The following AKAP6 variants were observed in gnomAD, a reference collection of about 807,000 sequenced individuals.
AKAP6 encodes the protein A-kinase anchoring protein 6.
A neutral mutation model predicts 188.5 loss-of-function variants in AKAP6; 58 were observed. The observed-to-expected ratio is 0.31, with a 90% confidence interval of 0.25 to 0.38. The LOEUF is 0.38. Ranked by LOEUF, AKAP6 falls within the 10% of genes least tolerant of loss-of-function variation. The pLI, the probability that AKAP6 is intolerant of heterozygous loss-of-function variation, is 1.00. For missense variants in AKAP6, 2,710 were observed against 2,740.0 expected (o/e 0.99, Z 0.24); for synonymous variants, 989 against 998.6 (o/e 0.99, Z 0.18).
At chr14:32,801,538 G>T (rs184067375) in intron 12 of AKAP6, among the ~76,000 whole-genome samples, 6 of 152,134 alleles carry the variant, frequency 3.9e-5, no homozygotes, top group African/African-American at 9.6e-5. Context: ...TTTTCTTTTA[G>T]ATCAATTAAA....
intron 7 of AKAP6, among the ~76,000 whole-genome samples, chr14:32,629,403 C>T (rs1205598528): frequency 1.8e-5 from 2 of 113,882 alleles, no homozygotes; most frequent in African/African-American, 7.1e-5. Context: ...TGCTGAAGTG[C>T]GAGTTTCTCA....
intron 2 of AKAP6, among the ~76,000 whole-genome samples, chr14:32,526,404 T>C (rs577160683): frequency 3.5e-4 from 54 of 152,248 alleles, no homozygotes; most frequent in Non-Finnish European, 6.6e-4. Flanking sequence ...CACTAATTTT[T>C]GTATTTTTAG....
intron 2 of AKAP6, among the ~76,000 whole-genome samples, chr14:32,481,464 A>C (rs111267787): frequency 0.024 from 3,727 of 152,316 alleles, 160 homozygotes; most frequent in African/African-American, 0.085. Flanking sequence ...TCACGGTTCT[A>C]CATGGCTGGG....
chr14:32,711,084 G>A (rs1418236937), intron 9 of AKAP6, among the ~76,000 whole-genome samples: 4 of 151,966 alleles, frequency 2.6e-5, no homozygotes, highest in African/African-American at 9.7e-5. Flanking sequence ...AACGCTTTAG[G>A]AATATCCATT....
intron 2 of AKAP6, among the ~76,000 whole-genome samples, chr14:32,443,662 T>C (rs1394753382): frequency 2.0e-5 from 3 of 151,928 alleles, no homozygotes; most frequent in South Asian, 2.1e-4. Context: ...TTAAATACAC[T>C]TTTTTTTCCC....
chr14:32,510,492 A>ATATATATATACATATATATATATGTG (rs1566547071), intron 2 of AKAP6, among the ~76,000 whole-genome samples: 2 of 113,414 alleles, frequency 1.8e-5, no homozygotes, highest in Middle Eastern at 4.4e-3. Flanking sequence ...ATATATGTGT[A>ATATATATATACATATATATATATGTG]TATATATATA....
At chr14:32,473,367 A>T (rs1467667702) in intron 2 of AKAP6, among the ~76,000 whole-genome samples, 7 of 152,230 alleles carry the variant, frequency 4.6e-5, no homozygotes, top group Non-Finnish European at 8.8e-5. Context: ...GAAAACTAGA[A>T]AATGAGAAGT....
chr14:32,664,099 G>A (rs1888817966), intron 7 of AKAP6, among the ~76,000 whole-genome samples: 1 of 152,060 alleles, frequency 6.6e-6, no homozygotes, highest in African/African-American at 2.4e-5. Context: ...TGCTTAACCT[G>A]TCTCTTACTT....
chr14:32,738,950 T>C (rs2031556225), intron 11 of AKAP6, among the ~76,000 whole-genome samples: 1 of 152,164 alleles, frequency 6.6e-6, no homozygotes, highest in African/African-American at 2.4e-5. Flanking sequence ...TGGGCTTGAT[T>C]TGACCTAGAG....
In AKAP6 at chr14:32,572,699, G is replaced by A. The variant is rs148865193; in HGVS notation, c.2347-4421G>A. 1.8e-4 allele frequency among the ~76,000 whole-genome samples: 28 copies of A among 152,346 alleles called. No individual in the cohort carries two copies. The East Asian group carries it at 4.4e-3, about 24-fold the overall frequency. On this transcript the variant is annotated intron_variant, in intron 4 of 13. Coordinates refer to ENST00000280979, the MANE Select transcript of AKAP6 (RefSeq NM_004274.5). The stretch of plus-strand genomic sequence containing the variant: ...TTCAAGTGTATTTTAGCCAGCCAAA[G>A]CCTCTAGCAAATTATTTTTCACAAA...
At chr14:32,513,071 A>G (rs1219062632) in intron 2 of AKAP6, among the ~76,000 whole-genome samples, 2 of 152,170 alleles carry the variant, frequency 1.3e-5, no homozygotes, top group Admixed American at 1.3e-4. Context: ...TTGAAAGTGG[A>G]AGATTCTGTA....
chr14:32,815,641 G>A (rs1012049322), intron 12 of AKAP6, among the ~76,000 whole-genome samples: 9 of 152,054 alleles, frequency 5.9e-5, no homozygotes, highest in Non-Finnish European at 8.8e-5. Flanking sequence ...CTCTTTGGTC[G>A]TACCAAAGAG....
intron 12 of AKAP6, among the ~76,000 whole-genome samples, chr14:32,784,482 T>C (rs1476114393): frequency 6.6e-6 from 1 of 152,190 alleles, no homozygotes; most frequent in African/African-American, 2.4e-5. Flanking sequence ...TGTTATACAT[T>C]GTGAGGAGAC....
At chr14:32,473,327 T>C (rs1313381259) in intron 2 of AKAP6, among the ~76,000 whole-genome samples, 1 of 152,172 alleles carries the variant, frequency 6.6e-6, no homozygotes, top group South Asian at 2.1e-4. Context: ...CAGCCTCACA[T>C]ACAACAGGTA....
Position 32,824,496 on chromosome 14 carries a change from T to C in AKAP6, c.6683T>C (p.Val2228Ala). ...GAAAGAGCTGAGGTTGGAAAGGAAG[T>C]GAATGGTTTGCCCCAAACTTCCAGT... ...SQERAEVGKE[V>A]NGLPQTSSGC... Residue 2228 changes from valine to alanine, a missense_variant, in exon 13 of 14, where the codon GTG becomes GCG. Val to Ala is a moderately conservative substitution (Grantham distance 64). This residue lies in a region of AKAP6 where 2,473 missense variants were observed against 2,426.1 expected (regional missense o/e 1.02). Coordinates refer to ENST00000280979, the MANE Select transcript of AKAP6 (RefSeq NM_004274.5). 1 of 1,613,944 alleles carries C rather than the reference T, an allele frequency of 6.2e-7. No individual in the cohort carries two copies.
chr14:32,660,807 A>T lies in AKAP6; in HGVS notation c.2731-17504A>T, dbSNP rs950390639. Among the ~76,000 whole-genome samples the T allele has an allele frequency of 4.6e-5, 7 of 152,122 alleles. No homozygotes were observed. The South Asian group carries it at 8.3e-4, about 18-fold the overall frequency. On this transcript the variant is annotated intron_variant, in intron 7 of 13. Transcript: ENST00000280979. ...TGGGGTGAGGGAAGTGGAGTATTTA[A>T]CAACTCAATTCACCATTCCTGTTTC...
intron 1 of AKAP6, among the ~76,000 whole-genome samples, chr14:32,374,698 A>G (rs1476079935): frequency 2.6e-5 from 4 of 152,250 alleles, no homozygotes; most frequent in African/African-American, 9.6e-5. Flanking sequence ...AATAAAATGG[A>G]AAGAATTCTA....
chr14:32,783,646 A>G (rs2033317792), intron 12 of AKAP6, among the ~76,000 whole-genome samples: 2 of 152,180 alleles, frequency 1.3e-5, no homozygotes, highest in African/African-American at 4.8e-5. Context: ...CAGCTAACAC[A>G]TCGCACTTGA....
intron 2 of AKAP6, among the ~76,000 whole-genome samples, chr14:32,518,197 C>T (rs1881625267): frequency 6.6e-6 from 1 of 152,158 alleles, no homozygotes; most frequent in Non-Finnish European, 1.5e-5. Flanking sequence ...CTGTCCATCA[C>T]CATCATCAAA....
Sources: allele counts gnomAD v4.1 joint callset (sites outside exome capture counted in the v4.1 genomes callset), GRCh38; gene constraint gnomAD v4.1.1; regional missense constraint gnomAD v4.1.1; transcripts MANE v1.5; gene names NCBI Gene and HGNC (gene_info 2026-07-23, HGNC 2026-07-21).